The following CD82 variants were observed in gnomAD, a reference collection of about 807,000 sequenced individuals.
CD82 encodes CD82 antigen.
CD82 carries 36 observed loss-of-function variants against 37.4 expected under a neutral mutation model. The ratio of observed to expected loss-of-function variants is 0.96; its 90% CI spans 0.74 to 1.27. CD82 has a LOEUF of 1.27. CD82 is among the 50% of genes most tolerant of loss of function. CD82 has a pLI of 0.00. For synonymous variants in CD82, 158 were observed against 137.4 expected (o/e 1.15, Z -1.05); for missense variants, 340 against 347.0 (o/e 0.98, Z 0.16).
At chr11:44,602,331 C>T (rs974325163) in intron 4 of CD82, among the ~76,000 whole-genome samples, 4 of 152,204 alleles carry the variant, frequency 2.6e-5, no homozygotes, top group African/African-American at 7.2e-5. Flanking sequence ...GCCTCCTCAC[C>T]TATAAAATGA....
At chr11:44,568,566 C>T (rs1334106660) in intron 1 of CD82, among the ~76,000 whole-genome samples, 1 of 152,154 alleles carries the variant, frequency 6.6e-6, no homozygotes, top group East Asian at 1.9e-4. Flanking sequence ...CCCTCCCTCC[C>T]ATCCCAGCCC....
At chr11:44,585,046 C>A (rs982013413) in intron 1 of CD82, 4 of 360,700 alleles carry the variant, frequency 1.1e-5, no homozygotes, top group Non-Finnish European at 2.2e-5. Context: ...GGCTGGACCT[C>A]TGAGTCTCAA....
At chr11:44,587,350 T>A (rs1170769967) in intron 1 of CD82, 125 bp from the exon 2 acceptor site, 2 of 438,418 alleles carry the variant, frequency 4.6e-6, no homozygotes, top group Non-Finnish European at 9.3e-6. Context: ...GACAGAGGAA[T>A]GGCAACCCTG....
chr11:44,599,168 A>G (rs1014703830), intron 3 of CD82, among the ~76,000 whole-genome samples: 2 of 152,146 alleles, frequency 1.3e-5, no homozygotes, highest in African/African-American at 4.8e-5. Flanking sequence ...TGGGGGGCAG[A>G]GTGAGGGGGT....
chr11:44,589,935 A>G (rs1590335563), intron 2 of CD82, among the ~76,000 whole-genome samples: 1 of 151,846 alleles, frequency 6.6e-6, no homozygotes, highest in African/African-American at 2.4e-5. Context: ...CTGGGTTTAC[A>G]CCATTCTCCT....
chr11:44,565,370 T>A (rs1852714636), upstream of CD82, among the ~76,000 whole-genome samples: 1 of 151,684 alleles, frequency 6.6e-6, no homozygotes, highest in African/African-American at 2.4e-5. Flanking sequence ...TGGACAGGGC[T>A]GGAGCGGGGC....
Position 44,604,958 on chromosome 11 carries a change from C to T in CD82, c.137-100C>T. On this transcript the variant is annotated intron_variant, in intron 4 of 9. Transcript: ENST00000227155. ...CAGGGGAATGCAGCTGACCCCAACA[C>T]CCTGGCTCCAAAGAGGGGATCCGGA... is the stretch of plus-strand genomic sequence containing the variant. The T allele has an allele frequency of 7.1e-6, 11 of 1,557,438 alleles. 1 individual carries two copies. Among genetic ancestry groups the T allele is most frequent in the South Asian group, 5.6e-5 (5 of 89,544 alleles).
intron 6 of CD82, chr11:44,606,580 A>C (rs1267011329): frequency 1.3e-5 from 2 of 152,346 alleles, no homozygotes; most frequent in Non-Finnish European, 2.9e-5. Context: ...CAGACTCTAA[A>C]GACAGAGGCA....
rs920641458 is a variant in CD82, at chr11:44,613,922, G to A, written c.337-1350G>A. On this transcript the variant is annotated intron_variant, in intron 6 of 9. Coordinates refer to ENST00000227155, the MANE Select transcript of CD82 (RefSeq NM_002231.4). The stretch of plus-strand genomic sequence containing the variant: ...AGAAAGGCAACTGACCTCACACTCC[G>A]GCTGGCTGGCACTGCTGGCTTGGGG... 6.6e-5 allele frequency among the ~76,000 whole-genome samples: 10 copies of A among 152,150 alleles called. No homozygotes were observed. The East Asian group carries it at 7.7e-4, about 12-fold the overall frequency.
chr11:44,609,387 CA>C (rs1266088508), intron 6 of CD82, among the ~76,000 whole-genome samples: 4 of 152,186 alleles, frequency 2.6e-5, no homozygotes, highest in African/African-American at 9.6e-5. Context: ...GTGCACTTGG[CA>C]GGCCATACCT....
At chr11:44,593,340 G>A (rs1251913448) in intron 2 of CD82, among the ~76,000 whole-genome samples, 1 of 152,216 alleles carries the variant, frequency 6.6e-6, no homozygotes, top group Non-Finnish European at 1.5e-5. Context: ...TGGGCCTGGT[G>A]CCGTCCCCTC....
At chr11:44,586,924 G>A (rs890598572) in intron 1 of CD82, among the ~76,000 whole-genome samples, 3 of 152,202 alleles carry the variant, frequency 2.0e-5, no homozygotes, top group Non-Finnish European at 2.9e-5. Flanking sequence ...CCCTTGAGGA[G>A]CCCATATTCT....
chr11:44,573,656 G>T (rs1299935038), intron 1 of CD82, among the ~76,000 whole-genome samples: 1 of 152,196 alleles, frequency 6.6e-6, no homozygotes. Flanking sequence ...AAGTCTCCTT[G>T]TTTGCCAGGA....
intron 6 of CD82, among the ~76,000 whole-genome samples, chr11:44,609,873 A>G (rs891588337): frequency 6.6e-6 from 1 of 152,154 alleles, no homozygotes; most frequent in Non-Finnish European, 1.5e-5. Flanking sequence ...CTTGGGCTAG[A>G]ATCTCTGAAG....
chr11:44,606,062 AGCATCCTCGC>A (rs1853390666), intron 6 of CD82: 1 of 152,608 alleles, frequency 6.6e-6, no homozygotes, highest in African/African-American at 2.4e-5. Context: ...CTGGCTGTTG[AGCATCCTCGC>A]TGGGATGGCT....
intron 3 of CD82, among the ~76,000 whole-genome samples, chr11:44,595,414 G>C (rs1282609677): frequency 2.0e-5 from 3 of 152,088 alleles, no homozygotes; most frequent in African/African-American, 4.8e-5. Context: ...TGTGTTGTTG[G>C]GGGGCAGTGC....
At chr11:44,604,312 C>A (rs1473594788) in intron 4 of CD82, 1 of 154,116 alleles carries the variant, frequency 6.5e-6, no homozygotes, top group African/African-American at 2.4e-5. Flanking sequence ...TGTAGCAATA[C>A]ATGTGCCCCG....
chr11:44,590,501 C>T (rs1191550911), intron 2 of CD82, among the ~76,000 whole-genome samples: 1 of 144,850 alleles, frequency 6.9e-6, no homozygotes, highest in Non-Finnish European at 1.5e-5. Context: ...GTCCCAGCTA[C>T]TTGGGAGGCT....
chr11:44,586,326 G>T (rs914406980), intron 1 of CD82, among the ~76,000 whole-genome samples: 4 of 152,006 alleles, frequency 2.6e-5, no homozygotes, highest in Admixed American at 6.6e-5. Context: ...GGCTTTCCAG[G>T]GCCTGTGACC....
Sources: gnomAD v4.1 joint callset for allele counts (sites outside exome capture counted in the v4.1 genomes callset) on GRCh38, gnomAD v4.1.1 for gene constraint, MANE v1.5 for transcripts, NCBI Gene and HGNC (gene_info 2026-07-23, HGNC 2026-07-21) for gene names.